EPM2A: variants seen among roughly 807,000 people sequenced by gnomAD.
EPM2A encodes the protein laforin.
EPM2A carries 21 observed loss-of-function variants against 26.5 expected under a neutral mutation model. The ratio of observed to expected loss-of-function variants is 0.79; its 90% CI spans 0.56 to 1.14. The LOEUF is 1.14. Ranked by LOEUF, EPM2A falls within the 50% of genes most tolerant of loss-of-function variation. The pLI is 0.00. For synonymous variants in EPM2A, 217 were observed against 177.6 expected (o/e 1.22, Z -1.76); for missense variants, 458 against 440.8 (o/e 1.04, Z -0.35).
At chr6:145,515,868 G>A (rs997169076) in intron 2 of EPM2A, among the ~76,000 whole-genome samples, 1 of 152,224 alleles carries the variant, frequency 6.6e-6, no homozygotes, top group Non-Finnish European at 1.5e-5. Flanking sequence ...CATTTGTACA[G>A]TGTATTCTCT....
At chr6:145,623,871 T>C (rs1040692388), downstream of EPM2A, among the ~76,000 whole-genome samples, 2 of 152,178 alleles carry the variant, frequency 1.3e-5, no homozygotes, top group African/African-American at 4.8e-5. Flanking sequence ...TCTGGATGAT[T>C]TGAATGTGAC....
chr6:145,497,212 C>A (rs532241063), downstream of EPM2A, among the ~76,000 whole-genome samples: 1 of 152,314 alleles, frequency 6.6e-6, no homozygotes, highest in East Asian at 1.9e-4. Context: ...TATCTACCAT[C>A]AATCTTTGGG....
chr6:145,476,350 T>A (rs1243724718), intron 4 of EPM2A, among the ~76,000 whole-genome samples: 1 of 151,924 alleles, frequency 6.6e-6, no homozygotes, highest in African/African-American at 2.4e-5. Flanking sequence ...GAGACTTCAA[T>A]ACCCCACTTT....
chr6:145,591,923 TTC>T lies in EPM2A; in HGVS notation c.340+43320_340+43321del, dbSNP rs1405999257. 2.6e-5 allele frequency among the ~76,000 whole-genome samples: 4 copies of T among 152,014 alleles called. 1 individual carries two copies. The highest frequency in any genetic ancestry group is 9.7e-5 in the African/African-American group (4 of 41,372). On this transcript the variant is annotated intron_variant, in intron 2 of 3. Coordinates refer to the EPM2A transcript ENST00000450221. ...GGATGGAAAAAAGAAACTGGGAATA[TTC>T]TGTTATAAAATACCTATACTACACC...
chr6:145,666,507 T>G, intron 2 of EPM2A, among the ~76,000 whole-genome samples: 1 of 58,872 alleles, frequency 1.7e-5, no homozygotes. Flanking sequence ...CTCAAGGAAA[T>G]AAAAGAGGAC....
intron 2 of EPM2A, among the ~76,000 whole-genome samples, chr6:145,570,237 T>G (rs1367113868): frequency 1.3e-5 from 2 of 152,098 alleles, no homozygotes; most frequent in Non-Finnish European, 2.9e-5. Context: ...AAGTCGATAC[T>G]CAGTATTAAC....
At chr6:145,621,535 T>C (rs555797863), downstream of EPM2A, among the ~76,000 whole-genome samples, 2 of 152,320 alleles carry the variant, frequency 1.3e-5, no homozygotes, top group African/African-American at 4.8e-5. Flanking sequence ...ATAACGGCTG[T>C]ACTGATTTAC....
At chr6:145,496,730 T>TTTTTTTTTTTTTTTG, downstream of EPM2A, among the ~76,000 whole-genome samples, 1 of 51,314 alleles carries the variant, frequency 1.9e-5, no homozygotes, top group Non-Finnish European at 5.2e-5. Context: ...TTCCTGCAAT[T>TTTTTTTTTTTTTTTG]TTTTTTTTTT....
intron 2 of EPM2A, among the ~76,000 whole-genome samples, chr6:145,675,626 G>A (rs897995427): frequency 8.6e-5 from 13 of 152,014 alleles, no homozygotes; most frequent in Non-Finnish European, 1.9e-4. Flanking sequence ...AAAAAGCAGG[G>A]GTTGCAATCC....
At chr6:145,629,075 T>C (rs1378923122) in intron 3 of EPM2A, 2 of 152,254 alleles carry the variant, frequency 1.3e-5, no homozygotes, top group African/African-American at 4.8e-5. Context: ...TATTCTAATT[T>C]TGTTGCTGGA....
In EPM2A at chr6:145,494,987, G is replaced by A. The variant is rs568270204; in HGVS notation, c.555+7535C>T. On this transcript the variant is annotated intron_variant, in intron 4 of 4. Transcript: ENST00000638717. ...CTGTTGCTTTTGGATGGAGAGTTCT[G>A]TAGATACCTATCGGGTCCCTTTGAT... 2.6e-5 allele frequency among the ~76,000 whole-genome samples: 4 copies of A among 152,314 alleles called. No individual in the cohort carries two copies. In the South Asian group the frequency reaches 8.3e-4, roughly 32 times the overall value.
At chr6:145,410,578 T>C (rs576160186) in intron 4 of EPM2A, among the ~76,000 whole-genome samples, 5 of 152,344 alleles carry the variant, frequency 3.3e-5, no homozygotes, top group Admixed American at 1.3e-4. Context: ...AATAGGTATG[T>C]ATGTTGGAGA....
chr6:145,449,039 T>C (rs1779164718), intron 4 of EPM2A, among the ~76,000 whole-genome samples: 1 of 152,244 alleles, frequency 6.6e-6, no homozygotes. Flanking sequence ...TATTTTGTTT[T>C]ATGTGAGAAG....
chr6:145,681,651 T>A (rs1255973901), intron 2 of EPM2A, among the ~76,000 whole-genome samples: 3 of 151,868 alleles, frequency 2.0e-5, no homozygotes, highest in Non-Finnish European at 4.4e-5. Context: ...AAATAGGGAA[T>A]CCTTTCCCCA....
chr6:145,468,408 T>A (rs1485934693), intron 4 of EPM2A, among the ~76,000 whole-genome samples: 1 of 152,152 alleles, frequency 6.6e-6, no homozygotes. Context: ...GAAATTATTA[T>A]AATAATGTAA....
intron 4 of EPM2A, among the ~76,000 whole-genome samples, chr6:145,466,211 C>T (rs1181969565): frequency 6.7e-6 from 1 of 149,974 alleles, no homozygotes; most frequent in Non-Finnish European, 1.5e-5. Flanking sequence ...AGGCAACCTA[C>T]AAAATGGGAG....
At chr6:145,521,467 C>T (rs1368687377) in intron 2 of EPM2A, among the ~76,000 whole-genome samples, 1 of 152,176 alleles carries the variant, frequency 6.6e-6, no homozygotes, top group Non-Finnish European at 1.5e-5. Flanking sequence ...GTAGTGTATT[C>T]TTTTCTAGCC....
chr6:145,587,180 CATAAT>C (rs1781206206), intron 2 of EPM2A, among the ~76,000 whole-genome samples: 2 of 152,220 alleles, frequency 1.3e-5, no homozygotes, highest in Admixed American at 6.5e-5. Flanking sequence ...TTGGTAATAA[CATAAT>C]ATAACAGAAC....
chr6:145,645,059 G>A (rs543342362), intron 2 of EPM2A, among the ~76,000 whole-genome samples: 7 of 152,262 alleles, frequency 4.6e-5, no homozygotes, highest in South Asian at 2.1e-4. Flanking sequence ...AACTCTAATC[G>A]TCATGAGTGC....
Sources: gnomAD v4.1 joint callset for allele counts (sites outside exome capture counted in the v4.1 genomes callset) on GRCh38, gnomAD v4.1.1 for gene constraint, MANE v1.5 for transcripts, NCBI Gene and HGNC (gene_info 2026-07-23, HGNC 2026-07-21) for gene names.